DGKG: variants seen among roughly 807,000 people sequenced by gnomAD.
DGKG encodes the protein diacylglycerol kinase gamma.
Under a neutral mutation model 105.3 loss-of-function variants are expected in DGKG, and 78 were observed. The observed-to-expected ratio is 0.74, with a 90% CI of 0.62 to 0.89. The LOEUF is 0.89. Ranked by LOEUF, DGKG falls within the 40% of genes least tolerant of loss-of-function variation. The probability of loss-of-function intolerance (pLI) is 0.00; values close to 1 mark genes in which losing one functional copy is unlikely to be tolerated. For synonymous variants in DGKG, 346 were observed against 367.1 expected (o/e 0.94, Z 0.66); for missense variants, 958 against 1,020.1 (o/e 0.94, Z 0.83).
chr3:186,297,014 GCACCTCAGCCTTA>G (rs1465948357), intron 5 of DGKG, among the ~76,000 whole-genome samples: 1 of 150,704 alleles, frequency 6.6e-6, no homozygotes, highest in Non-Finnish European at 1.5e-5. Flanking sequence ...AGAGTCATCT[GCACCTCAGCCTTA>G]CAGCCACAGC....
chr3:186,290,703 C>A (rs1041626815), intron 5 of DGKG, among the ~76,000 whole-genome samples: 3 of 152,194 alleles, frequency 2.0e-5, no homozygotes, highest in Non-Finnish European at 4.4e-5. Context: ...AAGCTGGAAT[C>A]TGGAGCCCAC....
At chr3:186,283,153 C>T (rs537841456) in intron 7 of DGKG, among the ~76,000 whole-genome samples, 12 of 152,132 alleles carry the variant, frequency 7.9e-5, no homozygotes, top group South Asian at 4.2e-4. Flanking sequence ...GTGATCTGCC[C>T]GCCTCCCAAA....
intron 20 of DGKG, among the ~76,000 whole-genome samples, chr3:186,241,091 C>T (rs1259433188): frequency 3.9e-5 from 6 of 152,072 alleles, no homozygotes; most frequent in Non-Finnish European, 8.8e-5. Flanking sequence ...CTATCGGATC[C>T]CACAGATCGC....
intron 20 of DGKG, among the ~76,000 whole-genome samples, chr3:186,239,048 A>G (rs1194757572): frequency 1.3e-5 from 2 of 152,200 alleles, no homozygotes; most frequent in Non-Finnish European, 2.9e-5. Flanking sequence ...TCAGTACCTT[A>G]GTACAATTTC....
At chr3:186,269,103 C>T (rs142469189) in intron 11 of DGKG, among the ~76,000 whole-genome samples, 186 bp from the exon 12 acceptor site, 10 of 152,342 alleles carry the variant, frequency 6.6e-5, no homozygotes, top group Non-Finnish European at 1.3e-4. Flanking sequence ...CCTGCCTAAC[C>T]GCCATTATGC....
intron 1 of DGKG, among the ~76,000 whole-genome samples, chr3:186,336,079 C>T (rs754120349): frequency 1.2e-4 from 19 of 152,124 alleles, no homozygotes; most frequent in Admixed American, 2.6e-4. Context: ...AAGGTCATGT[C>T]CCCTTCTTGG....
chr3:186,333,095 G>A (rs980596819), intron 1 of DGKG, among the ~76,000 whole-genome samples: 1 of 152,106 alleles, frequency 6.6e-6, no homozygotes, highest in Non-Finnish European at 1.5e-5. Context: ...CCAGCTTCAG[G>A]TATCCCGTTA....
At chr3:186,205,396 T>C (rs71320334) in intron 21 of DGKG, among the ~76,000 whole-genome samples, 3,541 of 152,132 alleles carry the variant, frequency 0.023, 62 homozygotes, top group Non-Finnish European at 0.038. Flanking sequence ...ATCTGTAATA[T>C]TTTATTTCTT....
In DGKG at chr3:186,148,532, A is replaced by G; in HGVS notation, c.*1558T>C. 1.0e-6 allele frequency: 1 copy of G among 985,378 alleles called. No homozygotes were observed. Among genetic ancestry groups the G allele is most frequent in the South Asian group, 4.7e-5 (1 of 21,286 alleles). The allele number at this position is 985,378 out of a possible 1,614,324, so 61.0% of individuals were successfully genotyped here. The stretch of plus-strand genomic sequence containing the variant: ...CGTTTGTTCCTCCCTGGCAACCTGG[A>G]TCCAAGTGGACTCACTTTTCAGTGA... On this transcript the variant is annotated 3_prime_UTR_variant, in exon 25 of 25. Transcript: ENST00000265022.
chr3:186,205,325 G>A (rs922542452), intron 21 of DGKG, among the ~76,000 whole-genome samples: 1 of 147,898 alleles, frequency 6.8e-6, no homozygotes, highest in Non-Finnish European at 1.5e-5. Flanking sequence ...GTGATCTCAA[G>A]AACATAAAGG....
Position 186,297,404 on chromosome 3 carries a change from A to G in DGKG, c.373+17T>C, listed in dbSNP as rs369821708. 37 of 1,596,944 alleles carry G rather than the reference A, an allele frequency of 2.3e-5. No homozygotes were observed. The African/African-American group carries it at 4.6e-4, about 20-fold the overall frequency. On this transcript the variant is annotated intron_variant, in intron 5 of 24. Transcript: ENST00000265022. Reference sequence around the variant, plus strand: ...ATTCCCTACTTTTCCCACAAGTCTTATATTCCAAAGACTTACCAGTATCAG... The same window carrying G: ...ATTCCCTACTTTTCCCACAAGTCTTGTATTCCAAAGACTTACCAGTATCAG...
intron 21 of DGKG, chr3:186,207,380 G>T: frequency 1.1e-6 from 1 of 904,178 alleles, no homozygotes; most frequent in Non-Finnish European, 1.3e-6. Flanking sequence ...TTTGAAGGCT[G>T]ATCTGATCAC....
chr3:186,203,073 A>G lies in DGKG; in HGVS notation c.1917+8722T>C, dbSNP rs1054616126. Among the ~76,000 whole-genome samples the G allele has an allele frequency of 6.6e-6, 1 of 152,238 alleles. No homozygotes were observed. The highest frequency in any genetic ancestry group is 1.5e-5 in the Non-Finnish European group (1 of 68,040). On this transcript the variant is annotated intron_variant, in intron 21 of 24. Transcript: ENST00000265022. This position sits in a 1 kb window ranked among gnomAD's most constrained non-coding sequence, Gnocchi z 4.9. ...GAAATAAAAAAGAGGGTCATTTAAG[A>G]AAAAGAAAAAGTTTTATGTGCCAGA...
At chr3:186,269,082 T>C (rs1235097508) in intron 11 of DGKG, among the ~76,000 whole-genome samples, 165 bp from the exon 12 acceptor site, 3 of 152,214 alleles carry the variant, frequency 2.0e-5, no homozygotes, top group South Asian at 2.1e-4. Context: ...AATGGCACGA[T>C]GTGGTTCCTC....
intron 1 of DGKG, among the ~76,000 whole-genome samples, chr3:186,359,053 A>G (rs1727108589): frequency 6.6e-6 from 1 of 152,180 alleles, no homozygotes; most frequent in African/African-American, 2.4e-5. Flanking sequence ...GCAAGGTGAT[A>G]TGTGTGATTC....
chr3:186,283,477 C>T (rs1299767655), intron 7 of DGKG, among the ~76,000 whole-genome samples: 1 of 152,182 alleles, frequency 6.6e-6, no homozygotes, highest in Non-Finnish European at 1.5e-5. Context: ...CAGATGCCCC[C>T]TCCTAGAGAG....
intron 3 of DGKG, among the ~76,000 whole-genome samples, chr3:186,301,514 C>G (rs1240011295): frequency 6.6e-6 from 1 of 152,168 alleles, no homozygotes; most frequent in African/African-American, 2.4e-5. Flanking sequence ...GTAGTCCCAG[C>G]TACTCGGGAG....
At chr3:186,167,049 T>G (rs1214665060) in intron 22 of DGKG, among the ~76,000 whole-genome samples, 2 of 152,054 alleles carry the variant, frequency 1.3e-5, no homozygotes, top group Non-Finnish European at 2.9e-5. Context: ...CACATTACCT[T>G]GCAGCTATCA....
chr3:186,247,920 A>T (rs929083500), intron 19 of DGKG, among the ~76,000 whole-genome samples: 1 of 152,098 alleles, frequency 6.6e-6, no homozygotes. Context: ...ATCTGTTTAT[A>T]TGTGTTTCCT....
Sources: allele counts gnomAD v4.1 joint callset (sites outside exome capture counted in the v4.1 genomes callset), GRCh38; gene constraint gnomAD v4.1.1; non-coding constraint Gnocchi (gnomAD v3.1); transcripts MANE v1.5; gene names NCBI Gene and HGNC (gene_info 2026-07-23, HGNC 2026-07-21).